IGF1R: variants seen among roughly 807,000 people sequenced by gnomAD.
IGF1R encodes insulin-like growth factor 1 receptor.
IGF1R carries 44 observed loss-of-function variants against 144.6 expected under a neutral mutation model. The ratio of observed to expected loss-of-function variants is 0.30; its 90% CI spans 0.24 to 0.39. The LOEUF is 0.39. Among genes scored for constraint, IGF1R ranks in the 10% least tolerant of loss-of-function variants. IGF1R has a pLI of 1.00. For missense variants in IGF1R, 1,355 were observed against 1,833.7 expected, an observed-to-expected ratio of 0.74 and a Z score of 4.77; for synonymous variants, 795 against 722.8, an observed-to-expected ratio of 1.10 and a Z score of -1.60.
At chr15:98,806,339 G>A (rs1302414445) in intron 2 of IGF1R, among the ~76,000 whole-genome samples, 4 of 152,172 alleles carry the variant, frequency 2.6e-5, no homozygotes, top group African/African-American at 9.6e-5. Flanking sequence ...GCCAGCCGAG[G>A]GCGCACGAAG....
rs546672845 is a variant in IGF1R, at chr15:98,830,900, G to A, written c.641-60425G>A. On this transcript the variant is annotated intron_variant, in intron 2 of 20. Coordinates refer to ENST00000650285, the MANE Select transcript of IGF1R (RefSeq NM_000875.5). Reference sequence around the variant, plus strand: ...ATTACAGGTGTGAACCACCACGCCCGGCCAGGATCTGATCATTTTCTAGGA... The same window carrying A: ...ATTACAGGTGTGAACCACCACGCCCAGCCAGGATCTGATCATTTTCTAGGA... Among the ~76,000 whole-genome samples, 360 of 152,256 alleles carry A rather than the reference G, an allele frequency of 2.4e-3. 1 individual carries two copies. Among genetic ancestry groups the A allele is most frequent in the Non-Finnish European group, 4.1e-3 (276 of 68,020 alleles).
chr15:98,707,974 T>C lies in IGF1R; in HGVS notation c.507T>C (p.Ile169=), dbSNP rs751957517. 1.2e-6 allele frequency: 2 copies of C among 1,614,088 alleles called. No individual in the cohort carries two copies. The highest frequency in any genetic ancestry group is 4.5e-5 in the East Asian group (2 of 44,880). Residue 169 remains isoleucine, a synonymous_variant, in exon 2 of 21, where the codon ATT becomes ATC. Transcript: ENST00000650285. The surrounding 1 kb of genome is among the most constrained non-coding windows in gnomAD (Gnocchi z 6.7). Reference sequence around the variant, plus strand: ...TGGATGCGGTGTCCAATAACTACATTGTGGGGAATAAGCCCCCAAAGGAAT... The same window carrying C: ...TGGATGCGGTGTCCAATAACTACATCGTGGGGAATAAGCCCCCAAAGGAAT... The part of the protein sequence containing the change: ...LILDAVSNNY[I]VGNKPPKECG...
Position 98,648,678 on chromosome 15 carries a change from C to G in IGF1R, c.-904C>G, listed in dbSNP as rs2052251455. On this transcript the variant is annotated 5_prime_UTR_variant, in exon 1 of 21. Transcript: ENST00000650285. ...GGCGAACTCGAGAGAGGCGGGAGAG[C>G]GAGAGGGACGCCGCCAGCGAGCCTG... 6.8e-6 allele frequency among the ~76,000 whole-genome samples: 1 copy of G among 146,800 alleles called. No homozygotes were observed. The highest frequency in any genetic ancestry group is 1.5e-5 in the Non-Finnish European group (1 of 65,922).
chr15:98,957,700 C>T lies in IGF1R; in HGVS notation c.*258C>T. 8.8e-6 allele frequency: 5 copies of T among 565,660 alleles called. No individual in the cohort carries two copies. In the South Asian group the frequency reaches 1.1e-4, roughly 12 times the overall value. The allele number at this position is 565,660 out of a possible 1,614,324, so 35.0% of individuals were successfully genotyped here. ...GGGCCTTTAAGAACCTTAATGACAA[C>T]ACTTAATAGCAACAGAGCACTTGAG... On this transcript the variant is annotated 3_prime_UTR_variant, in exon 21 of 21. Transcript: ENST00000650285.
At chr15:98,933,502 C>T (rs533650485) in intron 15 of IGF1R, among the ~76,000 whole-genome samples, 6 of 152,000 alleles carry the variant, frequency 3.9e-5, no homozygotes, top group Non-Finnish European at 7.4e-5. Flanking sequence ...TGCCATCACA[C>T]CTGGCTAATT....
Position 98,911,352 on chromosome 15 carries a change from G to A in IGF1R, c.1500G>A (p.Thr500=), listed in dbSNP as rs370500527. 9.9e-5 allele frequency: 160 copies of A among 1,614,090 alleles called. 2 individuals are homozygous for A. In the Middle Eastern group the frequency reaches 6.4e-3, roughly 65 times the overall value. Residue 500 remains threonine, a synonymous_variant, in exon 7 of 21, where the codon ACG becomes ACA. Coordinates refer to ENST00000650285, the MANE Select transcript of IGF1R (RefSeq NM_000875.5). ...SDVLHFTSTT[T]SKNRIIITWH... ...TCCTGCATTTCACCTCCACCACCAC[G>A]TCGAAGAATCGCATCATCATAACCT...
Position 98,912,917 on chromosome 15 carries a change from C to G in IGF1R, c.1590-127C>G. Reference sequence around the variant, plus strand: ...ACTTCATTTCTTCTTCTATAAAAGTCTAATTGATTATTTGTTTATTTAGAC... The same window carrying G: ...ACTTCATTTCTTCTTCTATAAAAGTGTAATTGATTATTTGTTTATTTAGAC... On this transcript the variant is annotated intron_variant, in intron 7 of 20. Coordinates refer to ENST00000650285, the MANE Select transcript of IGF1R (RefSeq NM_000875.5). 4.3e-6 allele frequency: 3 copies of G among 696,594 alleles called. 1 individual carries two copies. The allele number at this position is 696,594 out of a possible 1,614,324, so 43.2% of individuals were successfully genotyped here.
intron 1 of IGF1R, among the ~76,000 whole-genome samples, chr15:98,694,544 G>C (rs985845950): frequency 1.3e-5 from 2 of 151,996 alleles, no homozygotes; most frequent in African/African-American, 4.8e-5. Context: ...AGGGTGGGGG[G>C]GATGCAGGTG....
intron 5 of IGF1R, among the ~76,000 whole-genome samples, chr15:98,901,562 C>A (rs1311853806): frequency 2.0e-5 from 3 of 152,172 alleles, no homozygotes; most frequent in Non-Finnish European, 2.9e-5. Context: ...AGGTCTGGCC[C>A]CTTCACTAGC....
chr15:98,821,236 C>G lies in IGF1R; in HGVS notation c.641-70089C>G, dbSNP rs143037857. On this transcript the variant is annotated intron_variant, in intron 2 of 20. Coordinates refer to ENST00000650285, the MANE Select transcript of IGF1R (RefSeq NM_000875.5). ...ATGGCCTGTGCGCTTCTGGTTTTTCCCTTCCTCTGTTGATTTTTTATAGTT... is the reference window on the plus strand; with the variant it reads ...ATGGCCTGTGCGCTTCTGGTTTTTCGCTTCCTCTGTTGATTTTTTATAGTT... Among the ~76,000 whole-genome samples, 344 of 152,106 alleles carry G rather than the reference C, an allele frequency of 2.3e-3. 1 individual carries two copies. Among genetic ancestry groups the G allele is most frequent in the Non-Finnish European group, 3.4e-3 (234 of 67,998 alleles).
rs116206490 is a variant in IGF1R, at chr15:98,681,039, G to T, written c.95-26523G>T. Among the ~76,000 whole-genome samples the T allele has an allele frequency of 5.4e-3, 823 of 152,218 alleles. 6 individuals carry two copies. Among genetic ancestry groups the T allele is most frequent in the African/African-American group, 0.019 (791 of 41,524 alleles). On this transcript the variant is annotated intron_variant, in intron 1 of 20. Transcript: ENST00000650285. ...TAGGAGTAATAGGCTATACTGTATA[G>T]CCTAGGTGTGTAGTAGGCTATACCA...
chr15:98,816,616 A>G (rs778897361), intron 2 of IGF1R, among the ~76,000 whole-genome samples: 2 of 152,232 alleles, frequency 1.3e-5, no homozygotes, highest in Admixed American at 6.5e-5. Flanking sequence ...GTAGCTGCAG[A>G]TAATAAACAC....
chr15:98,812,505 T>C (rs2056613330), intron 2 of IGF1R, among the ~76,000 whole-genome samples: 1 of 152,000 alleles, frequency 6.6e-6, no homozygotes, highest in Admixed American at 6.6e-5. Context: ...TACAGACGCC[T>C]GCCACCATGC....
chr15:98,767,652 C>T (rs918970266), intron 2 of IGF1R, among the ~76,000 whole-genome samples: 1 of 152,032 alleles, frequency 6.6e-6, no homozygotes, highest in Non-Finnish European at 1.5e-5. Context: ...TTTTTTGAAA[C>T]GGTAGAATTA....
chr15:98,947,627 T>C (rs1332643085), intron 19 of IGF1R, among the ~76,000 whole-genome samples: 3 of 152,278 alleles, frequency 2.0e-5, no homozygotes, highest in Non-Finnish European at 4.4e-5. Flanking sequence ...TTGTCTTTTT[T>C]AACATTCTGT....
intron 2 of IGF1R, among the ~76,000 whole-genome samples, chr15:98,747,660 G>A (rs980389196): frequency 6.6e-6 from 1 of 152,210 alleles, no homozygotes; most frequent in African/African-American, 2.4e-5. Flanking sequence ...GGATTAGAAG[G>A]AGATTTGGAG....
In IGF1R at chr15:98,963,776, T is replaced by C. The variant is rs2017319279; in HGVS notation, c.*6334T>C. 4.3e-6 allele frequency: 1 copy of C among 233,078 alleles called. No individual in the cohort carries two copies. Among genetic ancestry groups the C allele is most frequent in the East Asian group, 6.0e-5 (1 of 16,578 alleles). 14.4% of individuals were successfully genotyped at this position (233,078 alleles called of 1,614,324 possible). A position where few individuals can be genotyped will look rare whatever the true frequency, so the allele number is the denominator to read the frequency against. ...TTTATTTAAGGCAGAACCCCGAAGA[T>C]ACGTATTTCCAATACAGAAAAGAAT... On this transcript the variant is annotated 3_prime_UTR_variant, in exon 21 of 21. Transcript: ENST00000650285.
intron 2 of IGF1R, among the ~76,000 whole-genome samples, chr15:98,751,713 A>G (rs992884711): frequency 6.6e-6 from 1 of 152,160 alleles, no homozygotes; most frequent in African/African-American, 2.4e-5. Context: ...CTCTTGACCC[A>G]TATGGCCAAG....
At chr15:98,767,001 TGC>T (rs2055452466) in intron 2 of IGF1R, among the ~76,000 whole-genome samples, 1 of 152,080 alleles carries the variant, frequency 6.6e-6, no homozygotes, top group African/African-American at 2.4e-5. Flanking sequence ...AGACCAAGGG[TGC>T]CTTTCCCCTT....
Sources: allele counts gnomAD v4.1 joint callset (sites outside exome capture counted in the v4.1 genomes callset), GRCh38; gene constraint gnomAD v4.1.1; non-coding constraint Gnocchi (gnomAD v3.1); transcripts MANE v1.5; gene names NCBI Gene and HGNC (gene_info 2026-07-23, HGNC 2026-07-21).